ERG: variants seen among roughly 807,000 people sequenced by gnomAD.
ERG encodes the protein transcriptional regulator ERG.
Under a neutral mutation model 55.3 loss-of-function variants are expected in ERG, and 9 were observed. The observed-to-expected ratio is 0.16, with a 90% CI of 0.10 to 0.28. ERG has a LOEUF of 0.28. Ranked by LOEUF, ERG falls within the 10% of genes least tolerant of loss-of-function variation. ERG has a pLI of 1.00. For synonymous variants in ERG, 223 were observed against 237.3 expected (o/e 0.94, Z 0.55); for missense variants, 434 against 631.6 (o/e 0.69, Z 3.35).
chr21:38,590,039 A>C (rs1452678924), intron 1 of ERG, among the ~76,000 whole-genome samples: 3 of 152,182 alleles, frequency 2.0e-5, no homozygotes, highest in Non-Finnish European at 4.4e-5. Flanking sequence ...GATCTGCTGG[A>C]AATTAGCTCA....
At chr21:38,520,913 C>T (rs1354367177) in intron 2 of ERG, among the ~76,000 whole-genome samples, 3 of 152,080 alleles carry the variant, frequency 2.0e-5, no homozygotes, top group Non-Finnish European at 4.4e-5. Context: ...CATAGATATA[C>T]ATGTTGAGAT....
intron 3 of ERG, among the ~76,000 whole-genome samples, chr21:38,415,581 G>A (rs1246393529): frequency 1.3e-5 from 2 of 152,122 alleles, no homozygotes; most frequent in Non-Finnish European, 1.5e-5. Context: ...CGACAGAGTG[G>A]AAGAGATCCT....
At chr21:38,541,070 G>A (rs1238183103) in intron 2 of ERG, among the ~76,000 whole-genome samples, 1 of 152,132 alleles carries the variant, frequency 6.6e-6, no homozygotes, top group African/African-American at 2.4e-5. Flanking sequence ...ACCACAACTT[G>A]GAGTGGAAAG....
At chr21:38,545,253 T>C (rs2059780756) in intron 2 of ERG, among the ~76,000 whole-genome samples, 1 of 152,134 alleles carries the variant, frequency 6.6e-6, no homozygotes, top group Admixed American at 6.6e-5. Flanking sequence ...TTTTTTAGAG[T>C]AACGAAGCCA....
chr21:38,509,639 C>T (rs752821711), intron 2 of ERG, among the ~76,000 whole-genome samples: 5 of 152,162 alleles, frequency 3.3e-5, no homozygotes, highest in Non-Finnish European at 7.3e-5. Flanking sequence ...GCTCCCCAGG[C>T]TCCTCCATGC....
At chr21:38,592,571 C>CTCTGTGTGTGTGTGTGTGTGTGTG (rs1555871066) in intron 1 of ERG, among the ~76,000 whole-genome samples, 3 of 148,100 alleles carry the variant, frequency 2.0e-5, no homozygotes, top group African/African-American at 7.5e-5. Flanking sequence ...TCTCCCTTCA[C>CTCTGTGTGTGTGTGTGTGTGTGTG]TGTGTGTGTG....
intron 2 of ERG, among the ~76,000 whole-genome samples, chr21:38,558,811 A>C (rs1376884357): frequency 1.3e-5 from 2 of 152,242 alleles, no homozygotes; most frequent in Non-Finnish European, 2.9e-5. Flanking sequence ...CTTAAAAGCC[A>C]CATTTAAGAG....
chr21:38,636,507 T>C (rs1450228854), intron 1 of ERG, among the ~76,000 whole-genome samples: 2 of 152,164 alleles, frequency 1.3e-5, no homozygotes, highest in South Asian at 2.1e-4. Flanking sequence ...TTAAAAATAG[T>C]GGCATCTGGT....
chr21:38,615,586 C>T (rs1297185457), intron 1 of ERG, among the ~76,000 whole-genome samples: 4 of 150,270 alleles, frequency 2.7e-5, no homozygotes, highest in Non-Finnish European at 4.4e-5. Context: ...TAGTAGACAC[C>T]ATCTCAGAGG....
chr21:38,656,833 T>TA (rs1455385122), intron 1 of ERG, among the ~76,000 whole-genome samples: 1 of 152,210 alleles, frequency 6.6e-6, no homozygotes, highest in Non-Finnish European at 1.5e-5. Context: ...TCCTATTTTT[T>TA]AAAAGTCATT....
At chr21:38,423,602 A>T in intron 2 of ERG, 41 bp from the exon 3 acceptor site, 1 of 1,573,746 alleles carries the variant, frequency 6.4e-7, no homozygotes, top group Admixed American at 1.7e-5. Flanking sequence ...ACAGCAATCA[A>T]AGAGCATGTC....
At chr21:38,614,813 C>T (rs73217988) in intron 1 of ERG, among the ~76,000 whole-genome samples, 8,008 of 152,316 alleles carry the variant, frequency 0.053, 378 homozygotes, top group Admixed American at 0.15. Context: ...CAGGGAGTCC[C>T]TCCTTTGGGG....
At chr21:38,451,741 C>T (rs984586691) in intron 1 of ERG, among the ~76,000 whole-genome samples, 16 of 152,164 alleles carry the variant, frequency 1.1e-4, no homozygotes, top group African/African-American at 3.6e-4. Context: ...CCACCATAAG[C>T]CTGACAAAGA....
chr21:38,597,644 G>C (rs1291660958), intron 1 of ERG, among the ~76,000 whole-genome samples: 1 of 152,132 alleles, frequency 6.6e-6, no homozygotes, highest in Non-Finnish European at 1.5e-5. Flanking sequence ...CTTGGACAGG[G>C]CTGTCATCAT....
At chr21:38,571,433 C>G (rs1297985529) in intron 2 of ERG, among the ~76,000 whole-genome samples, 1 of 151,934 alleles carries the variant, frequency 6.6e-6, no homozygotes, top group African/African-American at 2.4e-5. Flanking sequence ...ATCGCTTGAG[C>G]CTGGGAGGCA....
In ERG at chr21:38,380,790, G is replaced by A. The variant is rs1987393802; in HGVS notation, c.*2613C>T. ...TTGAGGGATCTAATGGAAAACATCT[G>A]TTAAAATTGAATATGATAATCATGT... is the stretch of plus-strand genomic sequence containing the variant. On this transcript the variant is annotated 3_prime_UTR_variant, in exon 10 of 10. Transcript: ENST00000288319. The A allele has an allele frequency of 1.9e-6, 2 of 1,046,788 alleles. No individual in the cohort carries two copies. The highest frequency in any genetic ancestry group is 2.3e-6 in the Non-Finnish European group (2 of 874,734). 64.8% of individuals were successfully genotyped at this position (1,046,788 alleles called of 1,614,324 possible).
intron 1 of ERG, among the ~76,000 whole-genome samples, chr21:38,636,867 A>G (rs2060392521): frequency 2.0e-5 from 3 of 152,208 alleles, no homozygotes; most frequent in African/African-American, 7.2e-5. Context: ...GCAAATGTTT[A>G]TTCAAAAATA....
chr21:38,437,073 A>T (rs369879463), intron 2 of ERG, among the ~76,000 whole-genome samples: 5 of 152,016 alleles, frequency 3.3e-5, no homozygotes, highest in East Asian at 3.9e-4. Context: ...TTTTTTGTAG[A>T]GATGGGGGTT....
downstream of ERG, among the ~76,000 whole-genome samples, chr21:38,375,836 T>C (rs1012915953): frequency 6.6e-6 from 1 of 152,190 alleles, no homozygotes; most frequent in Non-Finnish European, 1.5e-5. Flanking sequence ...CGGGTAGTCA[T>C]AGTCCCACTG....
Sources: gnomAD v4.1 joint callset for allele counts (sites outside exome capture counted in the v4.1 genomes callset) on GRCh38, gnomAD v4.1.1 for gene constraint, MANE v1.5 for transcripts, NCBI Gene and HGNC (gene_info 2026-07-23, HGNC 2026-07-21) for gene names.